Variants in BPGM observed in about 807,000 individuals in gnomAD.
BPGM encodes 2,3-bisphosphoglycerate mutase, erythrocyte.
In BPGM, 15 loss-of-function variants were observed where a neutral mutation model predicts 21.6. The ratio of observed to expected loss-of-function variants is 0.70; its 90% CI spans 0.47 to 1.07. The LOEUF is 1.07. Ranked by LOEUF, BPGM falls within the 50% of genes least tolerant of loss-of-function variation. The pLI, the probability that BPGM is intolerant of heterozygous loss-of-function variation, is 0.00. For missense variants in BPGM, 273 were observed against 319.0 expected, an observed-to-expected ratio of 0.86 and a Z score of 1.10; for synonymous variants, 113 against 116.2, an observed-to-expected ratio of 0.97 and a Z score of 0.18.
In BPGM at chr7:134,678,994, T is replaced by C. The variant is rs908998517; in HGVS notation, c.743T>C (p.Val248Ala). 2 of 1,614,122 alleles carry C rather than the reference T, an allele frequency of 1.2e-6. No homozygotes were observed. The highest frequency in any genetic ancestry group is 1.7e-6 in the Non-Finnish European group (2 of 1,179,998). Residue 248 changes from valine (V) to alanine (A), a missense_variant, in exon 3 of 3, where the codon GTA (valine) becomes GCA (alanine). Coordinates refer to ENST00000344924, the MANE Select transcript of BPGM (RefSeq NM_001724.5). ...GCGATCCAAGCAGCCATTAAGAAAG[T>C]AGAAGATCAAGGAAAAGTGAAACAA... ...QEAIQAAIKK[V>A]EDQGKVKQAK...
At position 134,679,105 on chromosome 7, in the gene BPGM, T is replaced by C. The variant is rs1263332555; in HGVS notation, c.*74T>C. Reference sequence around the variant, plus strand: ...AGTGTGTTATGGGTGCTGAACTCTCTCTCTTTTTCCCCGATTTTCCAGAGC... The same window carrying C: ...AGTGTGTTATGGGTGCTGAACTCTCCCTCTTTTTCCCCGATTTTCCAGAGC... On this transcript the variant is annotated 3_prime_UTR_variant, in exon 3 of 3. Coordinates refer to ENST00000344924, the MANE Select transcript of BPGM (RefSeq NM_001724.5). 1.3e-6 allele frequency: 2 copies of C among 1,528,462 alleles called. No homozygotes were observed. The highest frequency in any genetic ancestry group is 1.8e-6 in the Non-Finnish European group (2 of 1,114,248). 94.7% of individuals were successfully genotyped at this position (1,528,462 alleles called of 1,614,324 possible).
At chr7:134,649,721 A>G (rs1795526478) in intron 1 of BPGM, among the ~76,000 whole-genome samples, 1 of 152,256 alleles carries the variant, frequency 6.6e-6, no homozygotes, top group Non-Finnish European at 1.5e-5. Flanking sequence ...ATTGCAGAAT[A>G]TTAGTACTTG....
At chr7:134,666,413 G>T (rs1255467592) in intron 2 of BPGM, among the ~76,000 whole-genome samples, 1 of 152,028 alleles carries the variant, frequency 6.6e-6, no homozygotes, top group East Asian at 1.9e-4. Context: ...AAAATGATGG[G>T]GTTGATGACC....
intron 1 of BPGM, among the ~76,000 whole-genome samples, chr7:134,655,504 T>G (rs1388436174): frequency 6.6e-6 from 1 of 152,182 alleles, no homozygotes; most frequent in Non-Finnish European, 1.5e-5. Context: ...AGTTTGCCAT[T>G]TACTGGCCAT....
At chr7:134,674,102 AG>A (rs1161765466) in intron 2 of BPGM, among the ~76,000 whole-genome samples, 1 of 151,708 alleles carries the variant, frequency 6.6e-6, no homozygotes, top group Non-Finnish European at 1.5e-5. Context: ...TAGTAGAGAC[AG>A]GGTTTCACCA....
At chr7:134,668,270 C>T (rs1009257280) in intron 2 of BPGM, among the ~76,000 whole-genome samples, 1 of 152,142 alleles carries the variant, frequency 6.6e-6, no homozygotes, top group Non-Finnish European at 1.5e-5. Flanking sequence ...GCATCAAGAA[C>T]TCTACTCAAA....
chr7:134,650,555 A>C (rs1353921583), intron 1 of BPGM, among the ~76,000 whole-genome samples: 1 of 152,228 alleles, frequency 6.6e-6, no homozygotes, highest in Non-Finnish European at 1.5e-5. Flanking sequence ...AGACCATGGA[A>C]CACTTTTAGG....
intron 2 of BPGM, among the ~76,000 whole-genome samples, chr7:134,677,573 T>C (rs1033725336): frequency 6.6e-6 from 1 of 152,170 alleles, no homozygotes; most frequent in East Asian, 1.9e-4. Flanking sequence ...TTAGGATCAA[T>C]GGCTAATTAA....
chr7:134,659,385 G>A (rs1187694923), intron 1 of BPGM, among the ~76,000 whole-genome samples: 5 of 109,662 alleles, frequency 4.6e-5, no homozygotes, highest in African/African-American at 1.9e-4. Flanking sequence ...GTGTGTGTGT[G>A]TGTGTGTGTG....
chr7:134,655,355 A>G (rs1329572023), intron 1 of BPGM, among the ~76,000 whole-genome samples: 1 of 152,102 alleles, frequency 6.6e-6, no homozygotes, highest in Non-Finnish European at 1.5e-5. Flanking sequence ...GTTTGATGAA[A>G]TGGCTGCCTG....
chr7:134,663,170 G>A (rs78352938), intron 2 of BPGM, among the ~76,000 whole-genome samples: 2 of 152,214 alleles, frequency 1.3e-5, no homozygotes, highest in African/African-American at 2.4e-5. Context: ...GGCTGACCTT[G>A]TATGTGAAAT....
chr7:134,679,345 T>TATC lies in BPGM; in HGVS notation c.*317_*319dup, dbSNP rs768481570. 2 of 346,652 alleles carry TATC rather than the reference T, an allele frequency of 5.8e-6. No homozygotes were observed. Among genetic ancestry groups the TATC allele is most frequent in the Non-Finnish European group, 1.1e-5 (2 of 185,646 alleles). The allele number at this position is 346,652 out of a possible 1,614,324, so 21.5% of individuals were successfully genotyped here. ...AAGTAGAGATGAAGTTAAAGGTATT[T>TATC]ATCATTCAAGAAATCATTATTGAGT... is the stretch of plus-strand genomic sequence containing the variant. On this transcript the variant is annotated 3_prime_UTR_variant, in exon 3 of 3. Coordinates refer to ENST00000344924, the MANE Select transcript of BPGM (RefSeq NM_001724.5).
chr7:134,669,580 A>G (rs1367673779), intron 2 of BPGM, among the ~76,000 whole-genome samples: 1 of 152,120 alleles, frequency 6.6e-6, no homozygotes, highest in African/African-American at 2.4e-5. Flanking sequence ...ATTCGGAGCT[A>G]GATAACACTC....
rs1175449446 is a variant in BPGM at position 134,648,165 on chromosome 7, C to T, written c.-62+1228C>T. ...TTTGTTTTGTTTTCAGACGGAGTTT[C>T]GCTTCTGTTGCCCAGGCTGGAGTGC... On this transcript the variant is annotated intron_variant, in intron 1 of 2. Coordinates refer to ENST00000344924, the MANE Select transcript of BPGM (RefSeq NM_001724.5). 3.0e-5 allele frequency among the ~76,000 whole-genome samples: 4 copies of T among 131,592 alleles called. 1 individual carries two copies. In the South Asian group the frequency reaches 7.4e-4, roughly 24 times the overall value. 86.3% of individuals were successfully genotyped at this position (131,592 alleles called of 152,430 possible).
At chr7:134,658,892 A>ATTTTTTTTTTTTTT (rs1554411129) in intron 1 of BPGM, among the ~76,000 whole-genome samples, 7 of 143,938 alleles carry the variant, frequency 4.9e-5, no homozygotes, top group African/African-American at 7.9e-5. Context: ...GTGTGTGTGT[A>ATTTTTTTTTTTTTT]TTTTTTTTTT....
Position 134,648,137 on chromosome 7 carries a change from T to G in BPGM, c.-62+1200T>G, listed in dbSNP as rs897421514. Among the ~76,000 whole-genome samples the G allele has an allele frequency of 1.3e-3, 199 of 149,578 alleles. 6 individuals carry two copies. The South Asian group carries it at 0.039, about 30-fold the overall frequency. On this transcript the variant is annotated intron_variant, in intron 1 of 2. Transcript: ENST00000344924. ...TCTTTCTTTCTTTTGTTTTGGTTTT[T>G]TTTTTGTTTTGTTTTCAGACGGAGT...
At chr7:134,649,388 G>A (rs3778830) in intron 1 of BPGM, among the ~76,000 whole-genome samples, 88,778 of 152,016 alleles carry the variant, frequency 0.58, 26,928 homozygotes, top group East Asian at 0.89. Flanking sequence ...AGAGCTTTTA[G>A]TCTTTCTTCC....
intron 2 of BPGM, among the ~76,000 whole-genome samples, chr7:134,672,142 C>T (rs1795914488): frequency 6.6e-6 from 1 of 152,138 alleles, no homozygotes; most frequent in Non-Finnish European, 1.5e-5. Context: ...GGACTTATTA[C>T]CCCAAACTTT....
intron 2 of BPGM, among the ~76,000 whole-genome samples, chr7:134,664,604 A>G (rs111467998): frequency 1.1e-3 from 170 of 152,330 alleles, no homozygotes; most frequent in Non-Finnish European, 1.9e-3. Flanking sequence ...AACCATCACA[A>G]TGCCCAAGAG....
Sources: gnomAD v4.1 joint callset for allele counts (sites outside exome capture counted in the v4.1 genomes callset) on GRCh38, gnomAD v4.1.1 for gene constraint, MANE v1.5 for transcripts, NCBI Gene and HGNC (gene_info 2026-07-23, HGNC 2026-07-21) for gene names.